Variants in ACSM1 observed in about 807,000 individuals in gnomAD.
ACSM1 encodes acyl-coenzyme A synthetase ACSM1, mitochondrial.
A neutral mutation model predicts 75.8 loss-of-function variants in ACSM1; 79 were observed. The ratio of observed to expected loss-of-function variants is 1.04; its 90% CI spans 0.87 to 1.26. ACSM1 has a LOEUF of 1.26. Ranked by LOEUF, ACSM1 falls within the 50% of genes most tolerant of loss-of-function variation. ACSM1 has a pLI of 0.00. For synonymous variants in ACSM1, 279 were observed against 265.8 expected (o/e 1.05, Z -0.48); for missense variants, 676 against 720.1 (o/e 0.94, Z 0.70).
chr16:20,646,344 G>A (rs917358030), intron 7 of ACSM1, among the ~76,000 whole-genome samples: 2 of 152,218 alleles, frequency 1.3e-5, no homozygotes, highest in Admixed American at 1.3e-4. Flanking sequence ...CCGAGGGGAC[G>A]AAGGTCATCT....
chr16:20,693,164 C>T (rs1050010652), intron 1 of ACSM1, among the ~76,000 whole-genome samples: 2 of 146,742 alleles, frequency 1.4e-5, no homozygotes, highest in African/African-American at 2.5e-5. Context: ...AGCAAAATTC[C>T]GTCTCAAAAA....
intron 1 of ACSM1, among the ~76,000 whole-genome samples, chr16:20,692,340 C>T (rs571075923): frequency 6.7e-4 from 102 of 152,218 alleles, no homozygotes; most frequent in African/African-American, 2.4e-3. Flanking sequence ...ACTGTGTTGG[C>T]TTGGTTCAGA....
chr16:20,642,410 G>A (rs532301340), intron 7 of ACSM1, among the ~76,000 whole-genome samples: 3 of 152,220 alleles, frequency 2.0e-5, no homozygotes, highest in East Asian at 3.9e-4. Context: ...AGATGAATTA[G>A]CTACAAAACT....
At chr16:20,639,098 A>T (rs1551567) in intron 8 of ACSM1, among the ~76,000 whole-genome samples, 24,197 of 152,168 alleles carry the variant, frequency 0.16, 2,190 homozygotes, top group East Asian at 0.49. Flanking sequence ...GTCATCCTTT[A>T]TGTGCTAGAG....
rs116214897 is a variant in ACSM1, at chr16:20,626,714, A to G, written c.1427+475T>C. Among the ~76,000 whole-genome samples the G allele has an allele frequency of 3.9e-3, 593 of 151,898 alleles. 2 individuals are homozygous for G. The highest frequency in any genetic ancestry group is 0.013 in the African/African-American group (544 of 41,500). ...TAGTTACAGTAAATAATATATTTAT[A>G]CTAATAAATAATTTTATAATAATAG... On this transcript the variant is annotated intron_variant, in intron 11 of 13. Transcript: ENST00000520010.
chr16:20,696,744 T>C lies in ACSM1; in HGVS notation c.-52+892A>G, dbSNP rs928380471. Among the ~76,000 whole-genome samples, 2 of 152,214 alleles carry C rather than the reference T, an allele frequency of 1.3e-5. 1 individual carries two copies. The highest frequency in any genetic ancestry group is 3.8e-4 in the East Asian group (2 of 5,202). ...GCTCCCCACTGTATTCCCAGATACA[T>C]AGTGCCTTGAACAGCTCCTGCAACT... On this transcript the variant is annotated intron_variant, in intron 1 of 13. Transcript: ENST00000520010.
chr16:20,688,586 T>C (rs2079595905), intron 2 of ACSM1, among the ~76,000 whole-genome samples: 2 of 151,954 alleles, frequency 1.3e-5, no homozygotes, highest in African/African-American at 2.4e-5. Flanking sequence ...GATTTCTCAG[T>C]AGAAACCTTG....
intron 6 of ACSM1, among the ~76,000 whole-genome samples, chr16:20,669,063 G>T (rs962663468): frequency 6.6e-6 from 1 of 152,042 alleles, no homozygotes; most frequent in Non-Finnish European, 1.5e-5. Flanking sequence ...CCTCTGAGAG[G>T]GAAAGCAAGG....
chr16:20,627,540 T>A (rs552745523), intron 10 of ACSM1, among the ~76,000 whole-genome samples: 42 of 152,200 alleles, frequency 2.8e-4, no homozygotes, highest in African/African-American at 9.9e-4. Context: ...TGTTTAAAAA[T>A]ATCAATTCTG....
chr16:20,637,769 A>G (rs1178106244), intron 8 of ACSM1, among the ~76,000 whole-genome samples: 1 of 152,210 alleles, frequency 6.6e-6, no homozygotes, highest in East Asian at 1.9e-4. Context: ...GGGGTGTGGC[A>G]TGCCCACCAT....
intron 7 of ACSM1, among the ~76,000 whole-genome samples, chr16:20,644,741 G>T (rs1042640575): frequency 6.6e-6 from 1 of 152,152 alleles, no homozygotes; most frequent in Non-Finnish European, 1.5e-5. Flanking sequence ...AGTTAGTTTA[G>T]ACTAAACAAG....
rs372354363 is a variant in ACSM1 at position 20,635,298 on chromosome 16, G to A, written c.1299+1441C>T. Among the ~76,000 whole-genome samples the A allele has an allele frequency of 9.4e-4, 143 of 152,326 alleles. 5 individuals are homozygous for A. The South Asian group carries it at 0.028, about 30-fold the overall frequency. On this transcript the variant is annotated intron_variant, in intron 10 of 13. Coordinates refer to ENST00000520010, the MANE Select transcript of ACSM1 (RefSeq NM_001318890.3). ...TGGTCCCAGCTCCTTGGGAGGCTGA[G>A]TTGGGAATATCACTTGAGCTCAGGA... is the stretch of plus-strand genomic sequence containing the variant.
At chr16:20,643,966 C>G (rs2018217046) in intron 7 of ACSM1, among the ~76,000 whole-genome samples, 1 of 152,132 alleles carries the variant, frequency 6.6e-6, no homozygotes, top group African/African-American at 2.4e-5. Context: ...CTTTGACAAT[C>G]TTTTAGCTAG....
intron 4 of ACSM1, among the ~76,000 whole-genome samples, chr16:20,673,021 T>C (rs1029689267): frequency 6.2e-5 from 9 of 144,138 alleles, no homozygotes; most frequent in Admixed American, 2.1e-4. Context: ...TTATATGTCA[T>C]ATATTATATA....
At chr16:20,676,658 G>C (rs186624196) in intron 4 of ACSM1, among the ~76,000 whole-genome samples, 97 of 152,314 alleles carry the variant, frequency 6.4e-4, no homozygotes, top group African/African-American at 2.2e-3. Flanking sequence ...ACTAGCAGCA[G>C]CCCTTATGGG....
chr16:20,683,693 TTCTTTCTTTCTCTCTCTCTCTC>T (rs1183577287), intron 3 of ACSM1, among the ~76,000 whole-genome samples: 1 of 112,906 alleles, frequency 8.9e-6, no homozygotes, highest in African/African-American at 3.3e-5. Flanking sequence ...GGCTAATTCT[TTCTTTCTTTCTCTCTCTCTCTC>T]TCTTTCTTTC....
Position 20,624,170 on chromosome 16 carries a change from C to A in ACSM1, c.1573G>T (p.Asp525Tyr), listed in dbSNP as rs1477930458. The A allele has an allele frequency of 6.2e-7, 1 of 1,613,130 alleles. No individual in the cohort carries two copies. Among genetic ancestry groups the A allele is most frequent in the African/African-American group, 1.3e-5 (1 of 74,922 alleles). ...IVLTPQFLSH[D>Y]KDQLTKELQQ... The stretch of plus-strand genomic sequence containing the variant: ...AGTTCCTTGGTCAGCTGATCCTTGT[C>A]ATGGGACAGGAACTGTGGGGTCAGG... The change falls in exon 13 of 14, where the codon GAC (aspartate) becomes TAC (tyrosine). Residue 525 changes from aspartate to tyrosine, a missense_variant. Physicochemically the swap from Asp to Tyr is radical, Grantham distance 160. Coordinates refer to ENST00000520010, the MANE Select transcript of ACSM1 (RefSeq NM_001318890.3).
chr16:20,656,515 G>T (rs2018966907), intron 7 of ACSM1, among the ~76,000 whole-genome samples: 2 of 152,090 alleles, frequency 1.3e-5, no homozygotes, highest in African/African-American at 4.8e-5. Context: ...AAAATATGCA[G>T]CATTTGTTAA....
chr16:20,671,440 GACACACACACACACACACAC>G, intron 5 of ACSM1, 71 bp downstream of exon 5: 16 of 969,874 alleles, frequency 1.6e-5, no homozygotes, highest in Admixed American at 3.5e-5. Context: ...CCTTTCCCAA[GACACACACACACACACACAC>G]ACACACACAC....
Sources: gnomAD v4.1 joint callset for allele counts (sites outside exome capture counted in the v4.1 genomes callset) on GRCh38, gnomAD v4.1.1 for gene constraint, MANE v1.5 for transcripts, NCBI Gene and HGNC (gene_info 2026-07-23, HGNC 2026-07-21) for gene names.